The following SGMS1 variants were observed in gnomAD, a reference collection of about 807,000 sequenced individuals.
SGMS1 encodes the protein phosphatidylcholine:ceramide cholinephosphotransferase 1.
Under a neutral mutation model 46.2 loss-of-function variants are expected in SGMS1, and 13 were observed. The ratio of observed to expected loss-of-function variants is 0.28; its 90% CI spans 0.18 to 0.45. SGMS1 has a LOEUF of 0.45. SGMS1 is among the 20% of genes least tolerant of loss of function. SGMS1 has a pLI of 1.00. For synonymous variants in SGMS1, 203 were observed against 187.8 expected (o/e 1.08, Z -0.66); for missense variants, 324 against 519.9 (o/e 0.62, Z 3.66).
chr10:50,328,095 T>G (rs767215304), intron 7 of SGMS1: 1 of 387,260 alleles, frequency 2.6e-6, no homozygotes, highest in South Asian at 2.0e-5. Flanking sequence ...ACAAAATTAT[T>G]TGATATATAC....
At chr10:50,622,805 C>A (rs1241807724) in intron 1 of SGMS1, among the ~76,000 whole-genome samples, 4 of 152,266 alleles carry the variant, frequency 2.6e-5, no homozygotes, top group Admixed American at 2.0e-4. Flanking sequence ...CAGGCTGAAT[C>A]CGTTAGCTGG....
At chr10:50,387,372 A>C (rs1848698138) in intron 6 of SGMS1, among the ~76,000 whole-genome samples, 1 of 152,198 alleles carries the variant, frequency 6.6e-6, no homozygotes, top group Non-Finnish European at 1.5e-5. Flanking sequence ...TCCACCATGG[A>C]GGGAGCTATT....
chr10:50,548,619 C>T (rs1037254155), intron 2 of SGMS1, among the ~76,000 whole-genome samples: 3 of 152,132 alleles, frequency 2.0e-5, no homozygotes, highest in Non-Finnish European at 4.4e-5. Context: ...AGAAGAAAGT[C>T]TAGGCAATAC....
intron 2 of SGMS1, among the ~76,000 whole-genome samples, chr10:50,535,604 G>A (rs61858108): frequency 0.19 from 28,550 of 151,866 alleles, 3,131 homozygotes; most frequent in East Asian, 0.24. Context: ...TCTTGACTTC[G>A]TGATCCACCC....
chr10:50,392,035 G>C (rs936625854), intron 6 of SGMS1, among the ~76,000 whole-genome samples: 48 of 151,942 alleles, frequency 3.2e-4, no homozygotes, highest in Admixed American at 3.2e-3. Flanking sequence ...CTACTTGAGG[G>C]TGGAGGGTGG....
At chr10:50,580,254 T>C (rs1293409119) in intron 2 of SGMS1, among the ~76,000 whole-genome samples, 2 of 152,054 alleles carry the variant, frequency 1.3e-5, no homozygotes, top group African/African-American at 4.8e-5. Context: ...TGTGGAACTA[T>C]GGAATCCTTT....
At chr10:50,610,293 C>A (rs1838737531) in intron 1 of SGMS1, among the ~76,000 whole-genome samples, 1 of 152,170 alleles carries the variant, frequency 6.6e-6, no homozygotes, top group Non-Finnish European at 1.5e-5. Flanking sequence ...AAGGAACTTT[C>A]CATGGCATAA....
chr10:50,377,337 A>G lies in SGMS1; in HGVS notation c.-231-32992T>C, dbSNP rs557660960. ...TGATAACCCATTCACCCATTAATCT[A>G]TTAATTAATGAATGGGTTACTCCAT... On this transcript the variant is annotated intron_variant, in intron 6 of 10. Transcript: ENST00000361781. Among the ~76,000 whole-genome samples, 11 of 152,276 alleles carry G rather than the reference A, an allele frequency of 7.2e-5. No homozygotes were observed. In the East Asian group the frequency reaches 2.1e-3, roughly 29 times the overall value.
intron 1 of SGMS1, among the ~76,000 whole-genome samples, chr10:50,603,110 C>CT (rs1411362673): frequency 6.6e-6 from 1 of 152,186 alleles, no homozygotes; most frequent in Non-Finnish European, 1.5e-5. Context: ...ATTCTAAAAC[C>CT]TTTTGCCTCT....
upstream of SGMS1, chr10:50,624,104 A>T (rs996080564): frequency 8.1e-6 from 8 of 985,052 alleles, no homozygotes; most frequent in Middle Eastern, 5.2e-4. Context: ...GGGACCCCGA[A>T]CCAAGGGACA....
intron 5 of SGMS1, among the ~76,000 whole-genome samples, chr10:50,449,871 C>A (rs1468121192): frequency 6.7e-6 from 1 of 149,902 alleles, no homozygotes; most frequent in Non-Finnish European, 1.5e-5. Context: ...TTTTTTTCTA[C>A]TTGTCAATTT....
intron 5 of SGMS1, among the ~76,000 whole-genome samples, chr10:50,448,470 C>T (rs1021910238): frequency 6.6e-6 from 1 of 152,070 alleles, no homozygotes; most frequent in African/African-American, 2.4e-5. Flanking sequence ...ACAGGCCAGG[C>T]ACGGTGACTC....
intron 6 of SGMS1, among the ~76,000 whole-genome samples, chr10:50,404,847 A>C (rs963762230): frequency 1.3e-5 from 2 of 152,214 alleles, no homozygotes; most frequent in Non-Finnish European, 2.9e-5. Flanking sequence ...AAAATCAATT[A>C]TTATACACCC....
chr10:50,372,848 G>T (rs1848462299), intron 6 of SGMS1, among the ~76,000 whole-genome samples: 2 of 151,898 alleles, frequency 1.3e-5, no homozygotes, highest in Admixed American at 1.3e-4. Flanking sequence ...TATATAAAGG[G>T]AATCAGTCAA....
chr10:50,624,512 C>A (rs182956995), upstream of SGMS1: 292 of 861,526 alleles, frequency 3.4e-4, 3 homozygotes, highest in African/African-American at 4.8e-3. Context: ...AAGCCTCTGG[C>A]GACGCCTGGG....
chr10:50,321,923 C>T (rs1847452745), intron 8 of SGMS1, among the ~76,000 whole-genome samples: 1 of 152,172 alleles, frequency 6.6e-6, no homozygotes, highest in South Asian at 2.1e-4. Flanking sequence ...TACAGTTCAG[C>T]AGCAAGTCAA....
At chr10:50,506,314 T>G (rs1837706312) in intron 3 of SGMS1, among the ~76,000 whole-genome samples, 1 of 152,212 alleles carries the variant, frequency 6.6e-6, no homozygotes, top group Non-Finnish European at 1.5e-5. Flanking sequence ...ATTGTACTCA[T>G]TTTTGCATCT....
At chr10:50,613,412 T>C (rs906723460) in intron 1 of SGMS1, among the ~76,000 whole-genome samples, 9 of 152,168 alleles carry the variant, frequency 5.9e-5, no homozygotes, top group Non-Finnish European at 1.5e-5. Flanking sequence ...ATCTCAAAGC[T>C]CACCAGGGAA....
chr10:50,307,122 T>C lies in SGMS1; in HGVS notation c.*20A>G. 6.2e-7 allele frequency: 1 copy of C among 1,607,426 alleles called. No homozygotes were observed. The highest frequency in any genetic ancestry group is 8.5e-7 in the Non-Finnish European group (1 of 1,175,866). On this transcript the variant is annotated 3_prime_UTR_variant, in exon 11 of 11. Transcript: ENST00000361781. The surrounding 1 kb of genome is among the most constrained non-coding windows in gnomAD (Gnocchi z 4.2). ...CTTAGCACTTCGGACAATTTGTCTT[T>C]TCCCCACTTTGTACAGCTGTTATGT...
Sources: allele counts gnomAD v4.1 joint callset (sites outside exome capture counted in the v4.1 genomes callset), GRCh38; gene constraint gnomAD v4.1.1; non-coding constraint Gnocchi (gnomAD v3.1); transcripts MANE v1.5; gene names NCBI Gene and HGNC (gene_info 2026-07-23, HGNC 2026-07-21).